Variants in ZNF407 observed in about 807,000 individuals in gnomAD.
ZNF407 encodes zinc finger protein 407.
A neutral mutation model predicts 131.2 loss-of-function variants in ZNF407; 17 were observed. The observed-to-expected ratio is 0.13, with a 90% CI of 0.09 to 0.19. The LOEUF (loss-of-function observed/expected upper bound fraction) is 0.19. Among genes scored for constraint, ZNF407 ranks in the 10% least tolerant of loss-of-function variants. The probability of loss-of-function intolerance (pLI) is 1.00; values close to 1 mark genes in which losing one functional copy is unlikely to be tolerated. For synonymous variants in ZNF407, 1,156 were observed against 1,062.0 expected (o/e 1.09, Z -1.72); for missense variants, 2,681 against 2,830.6 (o/e 0.95, Z 1.20).
rs375013789 is a variant in ZNF407 at position 74,770,556 on chromosome 18, G to A, written c.4803-10872G>A. ...TTAAGAACCTGGTTAATATTTGGAAGTCTACAATGTACTCTTAATGTCTTG... is the reference window on the plus strand; with the variant it reads ...TTAAGAACCTGGTTAATATTTGGAAATCTACAATGTACTCTTAATGTCTTG... On this transcript the variant is annotated intron_variant, in intron 3 of 8. Transcript: ENST00000299687. Among the ~76,000 whole-genome samples the A allele has an allele frequency of 2.4e-3, 362 of 152,284 alleles. 2 individuals carry two copies. The highest frequency in any genetic ancestry group is 7.6e-3 in the African/African-American group (314 of 41,558).
chr18:74,700,431 G>A (rs892468912), intron 3 of ZNF407, among the ~76,000 whole-genome samples: 2 of 152,184 alleles, frequency 1.3e-5, no homozygotes, highest in African/African-American at 2.4e-5. Context: ...TTCGCAAAGA[G>A]TATCAGAGGT....
intron 3 of ZNF407, among the ~76,000 whole-genome samples, chr18:74,736,604 C>G (rs992460420): frequency 6.6e-6 from 1 of 151,864 alleles, no homozygotes; most frequent in Non-Finnish European, 1.5e-5. Flanking sequence ...ATTTTTTTAA[C>G]ATATAAAATG....
intron 6 of ZNF407, among the ~76,000 whole-genome samples, chr18:74,882,713 G>A (rs1454747744): frequency 6.6e-6 from 1 of 152,176 alleles, no homozygotes; most frequent in African/African-American, 2.4e-5. Context: ...GAAGCCACCT[G>A]TGCATGCCTG....
At chr18:74,754,800 T>G (rs528709881) in intron 3 of ZNF407, among the ~76,000 whole-genome samples, 1 of 152,324 alleles carries the variant, frequency 6.6e-6, no homozygotes, top group East Asian at 1.9e-4. Context: ...AAGTGCGATG[T>G]GATGCTGAGA....
Position 74,634,893 on chromosome 18 carries a change from G to A in ZNF407, c.3874G>A (p.Glu1292Lys), listed in dbSNP as rs769022079. ...CAGAGTTGCACGTGGGCATGGTTTG[G>A]AAGACTTGAAAGGTGTCCAAGAAGA... ...QNRVARGHGL[E>K]DLKGVQEDPV... is the part of the protein sequence containing the mutation. The change falls in exon 2 of 9, where the codon GAA (glutamate) becomes AAA (lysine). Residue 1292 changes from glutamate (E) to lysine (K), a missense_variant. By Grantham distance (56) the Glu-to-Lys change is moderately conservative (BLOSUM62 1). Transcript: ENST00000299687. 5 of 1,613,618 alleles carry A rather than the reference G, an allele frequency of 3.1e-6. 1 individual carries two copies. The South Asian group carries it at 5.5e-5, about 18-fold the overall frequency.
At chr18:74,954,758 C>T (rs7407350) in intron 8 of ZNF407, among the ~76,000 whole-genome samples, 19,729 of 152,158 alleles carry the variant, frequency 0.13, 1,554 homozygotes, top group Admixed American at 0.25. Flanking sequence ...ATTGTCCAAT[C>T]CAATGTCTAA....
chr18:74,881,331 A>T (rs746965902), intron 6 of ZNF407, among the ~76,000 whole-genome samples: 2 of 152,254 alleles, frequency 1.3e-5, no homozygotes, highest in African/African-American at 2.4e-5. Flanking sequence ...TATTTCAAGA[A>T]GCAGGTACCC....
At chr18:74,686,887 G>A (rs1169899499) in intron 3 of ZNF407, among the ~76,000 whole-genome samples, 2 of 152,138 alleles carry the variant, frequency 1.3e-5, no homozygotes, top group Non-Finnish European at 2.9e-5. Flanking sequence ...ATTATGTGTG[G>A]TACATAAATG....
chr18:74,893,424 G>C (rs1391409149), intron 7 of ZNF407, among the ~76,000 whole-genome samples: 2 of 152,108 alleles, frequency 1.3e-5, no homozygotes, highest in African/African-American at 2.4e-5. Flanking sequence ...CTATGAATAG[G>C]CTTTCTTTTA....
intron 7 of ZNF407, among the ~76,000 whole-genome samples, chr18:74,902,438 C>T (rs1044367998): frequency 2.0e-5 from 3 of 152,090 alleles, no homozygotes; most frequent in South Asian, 2.1e-4. Flanking sequence ...AAATGTCTTC[C>T]GGGAGTACTA....
At chr18:75,036,901 G>A (rs1028607979) in intron 8 of ZNF407, among the ~76,000 whole-genome samples, 6 of 152,216 alleles carry the variant, frequency 3.9e-5, no homozygotes, top group African/African-American at 1.4e-4. Context: ...TTTTGGGGTT[G>A]CTGCCTTTGG....
chr18:74,977,801 G>C (rs1025781501), intron 8 of ZNF407, among the ~76,000 whole-genome samples: 1 of 152,162 alleles, frequency 6.6e-6, no homozygotes, highest in Non-Finnish European at 1.5e-5. Flanking sequence ...TAGTTTCATT[G>C]GCATTTGCCG....
intron 3 of ZNF407, among the ~76,000 whole-genome samples, chr18:74,698,853 A>G (rs1202230508): frequency 6.6e-6 from 1 of 152,108 alleles, no homozygotes; most frequent in Non-Finnish European, 1.5e-5. Flanking sequence ...TAATGCTCTT[A>G]ATTTGTTCCC....
intron 8 of ZNF407, among the ~76,000 whole-genome samples, chr18:75,009,798 T>C (rs1437048500): frequency 6.6e-6 from 1 of 152,202 alleles, no homozygotes; most frequent in East Asian, 1.9e-4. Flanking sequence ...TCAGGTTGAT[T>C]CCAGAACCCA....
At chr18:74,840,933 G>A (rs1970623506) in intron 4 of ZNF407, among the ~76,000 whole-genome samples, 1 of 152,152 alleles carries the variant, frequency 6.6e-6, no homozygotes, top group African/African-American at 2.4e-5. Context: ...ACACATTGAT[G>A]CTGAAAGTGA....
chr18:75,002,573 C>T (rs567776210), intron 8 of ZNF407, among the ~76,000 whole-genome samples: 56 of 152,186 alleles, frequency 3.7e-4, no homozygotes, highest in Admixed American at 1.2e-3. Flanking sequence ...GAGGACAAGG[C>T]GGGTGGATCA....
At chr18:74,647,714 T>C (rs1985036311) in intron 3 of ZNF407, among the ~76,000 whole-genome samples, 1 of 152,220 alleles carries the variant, frequency 6.6e-6, no homozygotes, top group Non-Finnish European at 1.5e-5. Context: ...TTGTTTATGA[T>C]TTCTCATTTG....
At chr18:74,912,260 G>A (rs1405123165) in intron 7 of ZNF407, among the ~76,000 whole-genome samples, 2 of 151,932 alleles carry the variant, frequency 1.3e-5, no homozygotes, top group African/African-American at 4.8e-5. Context: ...TTATTGGCCC[G>A]GTTCTCTCTA....
intron 8 of ZNF407, among the ~76,000 whole-genome samples, chr18:74,950,098 C>G (rs982124777): frequency 6.6e-6 from 1 of 152,128 alleles, no homozygotes; most frequent in East Asian, 1.9e-4. Context: ...CACTGAATGC[C>G]AGCTGCATAC....
Sources: allele counts gnomAD v4.1 joint callset (sites outside exome capture counted in the v4.1 genomes callset), GRCh38; gene constraint gnomAD v4.1.1; transcripts MANE v1.5; gene names NCBI Gene and HGNC (gene_info 2026-07-23, HGNC 2026-07-21).